Variants in DCX observed in about 807,000 individuals in gnomAD.
The protein encoded by DCX is doublecortin, also known as neuronal migration protein doublecortin.
A neutral mutation model predicts 20.9 loss-of-function variants in DCX; 4 were observed. The observed-to-expected ratio is 0.19, with a 90% CI of 0.09 to 0.44. DCX has a LOEUF of 0.44. DCX is among the 20% of genes least tolerant of loss of function. The probability of loss-of-function intolerance (pLI) is 0.99; values close to 1 mark genes in which losing one functional copy is unlikely to be tolerated. For synonymous variants in DCX, 103 were observed against 111.4 expected (o/e 0.92, Z 0.47); for missense variants, 133 against 296.9 (o/e 0.45, Z 4.06).
intron 3 of DCX, among the ~76,000 whole-genome samples, chrX:111,356,189 C>G (rs1268400440): frequency 8.9e-6 from 1 of 112,618 alleles, no homozygotes; most frequent in Non-Finnish European, 1.9e-5. Flanking sequence ...TCAGTATACA[C>G]AAATAAGGGT....
chrX:111,352,212 A>C (rs746716535), intron 3 of DCX, among the ~76,000 whole-genome samples: 1 of 112,188 alleles, frequency 8.9e-6, no homozygotes, highest in Admixed American at 9.4e-5. Flanking sequence ...CCTACAACAA[A>C]GAATTATCTG....
At chrX:111,344,846 C>T (rs1922638084) in intron 3 of DCX, among the ~76,000 whole-genome samples, 1 of 111,619 alleles carries the variant, frequency 9.0e-6, no homozygotes, top group South Asian at 3.8e-4. Context: ...AGTGCTATTC[C>T]CATCAAACTA....
In DCX at chrX:111,330,942, C is replaced by T. The variant is rs753011298; in HGVS notation, c.908G>A (p.Arg303Gln). The T allele has an allele frequency of 1.4e-5, 17 of 1,210,546 alleles. No homozygotes were observed. The East Asian group carries it at 1.5e-4, about 11-fold the overall frequency. ...ACCTGAGTCAGCTGGAGACTTGCTT[C>T]GGCGCATAGGACCAGGGCTCTTGGC... ...TSAKSPGPMR[R>Q]SKSPADSGND... The change falls in exon 5 of 7, where the codon CGA (arginine) becomes CAA (glutamine). Residue 303 changes from arginine (R) to glutamine (Q), a missense_variant. Transcript: ENST00000636035.
Position 111,301,424 on chromosome X carries a change from A to G in DCX, c.*263T>C, listed in dbSNP as rs1435884117. 1 of 414,634 alleles carries G rather than the reference A, an allele frequency of 2.4e-6. No individual in the cohort carries two copies. Among genetic ancestry groups the G allele is most frequent in the African/African-American group, 2.5e-5 (1 of 39,901 alleles). The allele number at this position is 414,634 out of a possible 1,213,427, so 34.2% of individuals were successfully genotyped here. On this transcript the variant is annotated 3_prime_UTR_variant, in exon 7 of 7. Transcript: ENST00000636035. The stretch of plus-strand genomic sequence containing the variant: ...GCTTTCCATTGAAAGGTCATGGACT[A>G]GCACATTTTGCATCCCTGGAATGCT...
At chrX:111,316,044 C>T (rs1213917513) in intron 5 of DCX, among the ~76,000 whole-genome samples, 4 of 51,932 alleles carry the variant, frequency 7.7e-5, no homozygotes, top group Non-Finnish European at 9.7e-5. Flanking sequence ...CTAACCTGCA[C>T]AATGTGCACA....
intron 5 of DCX, among the ~76,000 whole-genome samples, chrX:111,322,647 G>A (rs2095089244): frequency 8.9e-6 from 1 of 112,321 alleles, no homozygotes; most frequent in Non-Finnish European, 1.9e-5. Context: ...ATTCCAAAGA[G>A]CCCTTGGGCA....
rs1011945369 is a variant in DCX at position 111,317,846 on chromosome X, A to G, written c.947-5110T>C. Among the ~76,000 whole-genome samples, 22 of 111,412 alleles carry G rather than the reference A, an allele frequency of 2.0e-4. No homozygotes were observed. In the Admixed American group the frequency reaches 2.1e-3, roughly 11 times the overall value. Reference sequence around the variant, plus strand: ...ATCACTAATCATTAGAGAAATGCAAATCAAAACCACAATGAGATACCATCT... The same window carrying G: ...ATCACTAATCATTAGAGAAATGCAAGTCAAAACCACAATGAGATACCATCT... On this transcript the variant is annotated intron_variant, in intron 5 of 6. Coordinates refer to ENST00000636035, the MANE Select transcript of DCX (RefSeq NM_001195553.2).
Position 111,333,172 on chromosome X carries a change from C to T in DCX, c.706-19G>A. On this transcript the variant is annotated intron_variant, in intron 3 of 6. Transcript: ENST00000636035. ...AAGTTACCTATGGAGAAAGCAGAAA[C>T]ACTGATTGTATATGATGGTCCTGTG... 2 of 1,112,940 alleles carry T rather than the reference C, an allele frequency of 1.8e-6. No homozygotes were observed. Among genetic ancestry groups the T allele is most frequent in the Non-Finnish European group, 1.2e-6 (1 of 807,442 alleles). The allele number at this position is 1,112,940 out of a possible 1,213,427, so 91.7% of individuals were successfully genotyped here.
At chrX:111,316,837 G>T (rs148861929) in intron 5 of DCX, among the ~76,000 whole-genome samples, 3,013 of 111,264 alleles carry the variant, frequency 0.027, 113 homozygotes, top group African/African-American at 0.094. Flanking sequence ...GTTAGAGAAA[G>T]AATAAAATAC....
At chrX:111,376,433 A>G (rs745932850) in intron 3 of DCX, among the ~76,000 whole-genome samples, 4 of 111,994 alleles carry the variant, frequency 3.6e-5, no homozygotes, top group African/African-American at 1.3e-4. Context: ...CTGTGGTATG[A>G]TATAGAGCCC....
At chrX:111,400,760 T>A in intron 3 of DCX, among the ~76,000 whole-genome samples, 1 of 112,187 alleles carries the variant, frequency 8.9e-6, no homozygotes. Context: ...TGAGGCTAAG[T>A]GACCTTTCTG....
chrX:111,322,630 C>T (rs949880174), intron 5 of DCX, among the ~76,000 whole-genome samples: 1 of 112,509 alleles, frequency 8.9e-6, no homozygotes, highest in East Asian at 2.8e-4. Context: ...GTGGTTTTCA[C>T]AAATACATTC....
rs917572737 is a variant in DCX, at chrX:111,295,111, A to G, written c.*6576T>C. 2 of 112,693 alleles carry G rather than the reference A, an allele frequency of 1.8e-5. No homozygotes were observed. The highest frequency in any genetic ancestry group is 6.5e-5 in the African/African-American group (2 of 30,957). The allele number at this position is 112,693 out of a possible 1,213,427, so 9.3% of individuals were successfully genotyped here. A position where few individuals can be genotyped will look rare whatever the true frequency, so the allele number is the denominator to read the frequency against. The stretch of plus-strand genomic sequence containing the variant: ...GCTGCAATATATTACAGGACCATAC[A>G]TTGGAGACATTTTGGCATAACCTCT... On this transcript the variant is annotated 3_prime_UTR_variant, in exon 7 of 7. Coordinates refer to ENST00000636035, the MANE Select transcript of DCX (RefSeq NM_001195553.2).
At chrX:111,322,692 T>C (rs898144535) in intron 5 of DCX, among the ~76,000 whole-genome samples, 1 of 111,915 alleles carries the variant, frequency 8.9e-6, no homozygotes, top group East Asian at 2.8e-4. Context: ...TTGTTTCTGC[T>C]CAATGGAAAA....
chrX:111,407,802 G>GCGCACACA (rs746196711), intron 2 of DCX, among the ~76,000 whole-genome samples: 2 of 90,275 alleles, frequency 2.2e-5, no homozygotes, highest in Non-Finnish European at 4.4e-5. Context: ...ACATCAATAC[G>GCGCACACA]CACACACACA....
Position 111,339,258 on chromosome X carries a change from C to T in DCX, c.706-6105G>A, listed in dbSNP as rs1922012570. Reference sequence around the variant, plus strand: ...GTTTCAATGTTTGTCCCCTCCAAAACTCATGTTGAAACTTACTCCCCAATG... The same window carrying T: ...GTTTCAATGTTTGTCCCCTCCAAAATTCATGTTGAAACTTACTCCCCAATG... On this transcript the variant is annotated intron_variant, in intron 3 of 6. Coordinates refer to ENST00000636035, the MANE Select transcript of DCX (RefSeq NM_001195553.2). 9.8e-5 allele frequency among the ~76,000 whole-genome samples: 11 copies of T among 111,863 alleles called. No homozygotes were observed. The Admixed American group carries it at 1.0e-3, about 11-fold the overall frequency.
In DCX at chrX:111,402,783, GT is replaced by G. The variant is rs1317902852; in HGVS notation, c.365-1454del. ...GTGTATGTGTGTGTGTGTGTGCGTG[GT>G]GTGTGTGTGTGTGTGTGTGTGTGTG... is the stretch of plus-strand genomic sequence containing the variant. On this transcript the variant is annotated intron_variant, in intron 2 of 6. Transcript: ENST00000636035. Among the ~76,000 whole-genome samples the G allele has an allele frequency of 1.3e-3, 5 of 3,790 alleles. No individual in the cohort carries two copies. The East Asian group carries it at 0.45, about 345-fold the overall frequency. The allele number at this position is 3,790 out of a possible 115,157, so 3.3% of individuals were successfully genotyped here. A position where few individuals can be genotyped will look rare whatever the true frequency, so the allele number is the denominator to read the frequency against.
chrX:111,377,617 G>A (rs987895295), intron 3 of DCX, among the ~76,000 whole-genome samples: 1 of 111,451 alleles, frequency 9.0e-6, no homozygotes, highest in Non-Finnish European at 1.9e-5. Flanking sequence ...CCACTCCTAC[G>A]TGTGAAAATG....
chrX:111,347,917 G>A (rs937646919), intron 3 of DCX, among the ~76,000 whole-genome samples: 15 of 112,067 alleles, frequency 1.3e-4, no homozygotes, highest in African/African-American at 4.5e-4. Context: ...TCTCAGCTGA[G>A]ATATTGGTCT....
Sources: gnomAD v4.1 joint callset for allele counts (sites outside exome capture counted in the v4.1 genomes callset) on GRCh38, gnomAD v4.1.1 for gene constraint, MANE v1.5 for transcripts, NCBI Gene and HGNC (gene_info 2026-07-23, HGNC 2026-07-21) for gene names.